Variants in ACVR1 observed in about 807,000 individuals in gnomAD.
ACVR1 encodes activin A receptor type 1.
A neutral mutation model predicts 57.1 loss-of-function variants in ACVR1; 38 were observed. The ratio of observed to expected loss-of-function variants is 0.67; its 90% CI spans 0.51 to 0.87. ACVR1 has a LOEUF of 0.87. Ranked by LOEUF, ACVR1 falls within the 40% of genes least tolerant of loss-of-function variation. The pLI is 0.00. For synonymous variants in ACVR1, 212 were observed against 228.1 expected, an observed-to-expected ratio of 0.93 and a Z score of 0.63; for missense variants, 463 against 638.2, an observed-to-expected ratio of 0.73 and a Z score of 2.96.
intron 1 of ACVR1, among the ~76,000 whole-genome samples, chr2:157,865,518 G>T (rs1251367281): frequency 6.6e-6 from 1 of 152,074 alleles, no homozygotes; most frequent in Non-Finnish European, 1.5e-5. Flanking sequence ...TAGGCAGGGC[G>T]CGGTGGTTCA....
chr2:157,820,763 T>C (rs555731131), intron 1 of ACVR1, among the ~76,000 whole-genome samples: 1 of 152,258 alleles, frequency 6.6e-6, no homozygotes, highest in East Asian at 1.9e-4. Flanking sequence ...ATTTATATTC[T>C]ATATGACGAA....
At chr2:157,870,727 C>T (rs1452803557) in intron 1 of ACVR1, among the ~76,000 whole-genome samples, 2 of 152,158 alleles carry the variant, frequency 1.3e-5, no homozygotes, top group East Asian at 1.9e-4. Flanking sequence ...GGAAGCATCA[C>T]TCTTAAATAT....
intron 3 of ACVR1, among the ~76,000 whole-genome samples, chr2:157,794,183 T>C (rs1687024371): frequency 6.6e-6 from 1 of 152,168 alleles, no homozygotes; most frequent in Non-Finnish European, 1.5e-5. Context: ...ATGGAGGTTC[T>C]GCCTTCACCC....
At chr2:157,779,701 G>C (rs1174835048) in intron 4 of ACVR1, among the ~76,000 whole-genome samples, 2 of 152,174 alleles carry the variant, frequency 1.3e-5, no homozygotes, top group African/African-American at 2.4e-5. Context: ...TTGCAATTTA[G>C]GGCTCATTTA....
At chr2:157,746,028 C>T (rs996548174) in intron 9 of ACVR1, among the ~76,000 whole-genome samples, 7 of 152,168 alleles carry the variant, frequency 4.6e-5, no homozygotes, top group African/African-American at 1.2e-4. Flanking sequence ...GTTTTTGACA[C>T]ATTTTAACCC....
At chr2:157,799,042 G>A (rs2105305714) in intron 3 of ACVR1, among the ~76,000 whole-genome samples, 1 of 151,828 alleles carries the variant, frequency 6.6e-6, no homozygotes, top group African/African-American at 2.4e-5. Flanking sequence ...GATTACAGGT[G>A]CCCGCCACCA....
At chr2:157,767,131 A>T (rs1019452427) in intron 7 of ACVR1, among the ~76,000 whole-genome samples, 1 of 152,036 alleles carries the variant, frequency 6.6e-6, no homozygotes, top group Admixed American at 6.6e-5. Flanking sequence ...TCCTGGGTTC[A>T]AGTGATTCTC....
chr2:157,872,562 T>C (rs1264645390), intron 1 of ACVR1, among the ~76,000 whole-genome samples: 2 of 151,946 alleles, frequency 1.3e-5, no homozygotes, highest in Admixed American at 1.3e-4. Flanking sequence ...CAGGAGAAAA[T>C]AGGGGAGGAG....
At chr2:157,806,706 G>A (rs561817921) in intron 2 of ACVR1, 9 of 152,338 alleles carry the variant, frequency 5.9e-5, no homozygotes, top group African/African-American at 1.7e-4. Context: ...AGTAATAGCT[G>A]CAAAGAAAGG....
In ACVR1 at chr2:157,830,163, G is replaced by A. The variant is rs575436256; in HGVS notation, c.-182-11604C>T. On this transcript the variant is annotated intron_variant, in intron 1 of 10. Transcript: ENST00000434821. ...GAACCCAGGAGGCGGAGGTTTCAGT[G>A]AGCCGAGATCATGCCATTGCACTCC... 9.8e-5 allele frequency among the ~76,000 whole-genome samples: 15 copies of A among 152,298 alleles called. No homozygotes were observed. The South Asian group carries it at 2.9e-3, about 29-fold the overall frequency.
At chr2:157,740,215 T>A (rs894493906) in intron 9 of ACVR1, among the ~76,000 whole-genome samples, 4 of 151,310 alleles carry the variant, frequency 2.6e-5, no homozygotes, top group Non-Finnish European at 2.9e-5. Context: ...TAATTCCAAA[T>A]AACTTACCCA....
chr2:157,766,106 T>C lies in ACVR1; in HGVS notation c.881A>G (p.Tyr294Cys), dbSNP rs1685851050. ...TGTATCCAGAGTAGTAAGCTGAAGA[T>C]AGTCGTACAACGATCCCATTTCATG... ...HYHEMGSLYD[Y>C]LQLTTLDTVS... The change falls in exon 8 of 11, where the codon TAT (tyrosine) becomes TGT (cysteine). Residue 294 changes from tyrosine (Y) to cysteine (C), a missense_variant. Physicochemically the swap from Tyr to Cys is radical, Grantham distance 194. This residue lies in a region of ACVR1 where 114 missense variants were observed against 216.2 expected (regional missense o/e 0.53). Coordinates refer to ENST00000434821, the MANE Select transcript of ACVR1 (RefSeq NM_001111067.4). 2 of 1,614,142 alleles carry C rather than the reference T, an allele frequency of 1.2e-6. No homozygotes were observed. Among genetic ancestry groups the C allele is most frequent in the Non-Finnish European group, 1.7e-6 (2 of 1,179,994 alleles).
rs1278404256 is a variant in ACVR1, at chr2:157,770,532, T to C, written c.644-18A>G. On this transcript the variant is annotated intron_variant, in intron 6 of 10. Coordinates refer to ENST00000434821, the MANE Select transcript of ACVR1 (RefSeq NM_001111067.4). Reference sequence around the variant, plus strand: ...GCCTTTCCCTATGAAAAGCAAAACATAGGTGACACAGAACAGTAGTCATTT... The same window carrying C: ...GCCTTTCCCTATGAAAAGCAAAACACAGGTGACACAGAACAGTAGTCATTT... 18 of 1,613,624 alleles carry C rather than the reference T, an allele frequency of 1.1e-5. No homozygotes were observed. Among genetic ancestry groups the C allele is most frequent in the Admixed American group, 5.0e-5 (3 of 59,990 alleles).
chr2:157,773,879 C>T (rs1461939820), intron 6 of ACVR1, among the ~76,000 whole-genome samples: 1 of 152,180 alleles, frequency 6.6e-6, no homozygotes, highest in Non-Finnish European at 1.5e-5. Flanking sequence ...TCTGCATTCT[C>T]TGTACTCATT....
intron 8 of ACVR1, 149 bp from the exon 9 acceptor site, chr2:157,761,226 C>G: frequency 1.4e-6 from 1 of 723,868 alleles, no homozygotes; most frequent in South Asian, 1.7e-5. Flanking sequence ...CTAGAATGCC[C>G]TTTGTGATTA....
chr2:157,773,881 G>C lies in ACVR1; in HGVS notation c.643+207C>G, dbSNP rs146814720. 6.5e-3 allele frequency among the ~76,000 whole-genome samples: 991 copies of C among 152,276 alleles called. 8 individuals are homozygous for C. The highest frequency in any genetic ancestry group is 0.022 in the African/African-American group (900 of 41,550). On this transcript the variant is annotated intron_variant, in intron 6 of 10. Transcript: ENST00000434821. ...GAAAGCTTTTGACTCTGCATTCTCT[G>C]TACTCATTAGTGATGGACTCCTTTG...
Position 157,736,785 on chromosome 2 carries a change from T to TA in ACVR1, c.*745dup, listed in dbSNP as rs1236939230. On this transcript the variant is annotated 3_prime_UTR_variant, in exon 11 of 11. Coordinates refer to ENST00000434821, the MANE Select transcript of ACVR1 (RefSeq NM_001111067.4). ...AAATGTCCATTTTAGAGTATAGTGT[T>TA]AAAAACATTTCTGTAATAAAATCAT... The TA allele has an allele frequency of 2.9e-6, 1 of 345,584 alleles. No homozygotes were observed. The highest frequency in any genetic ancestry group is 5.3e-6 in the Non-Finnish European group (1 of 188,630). The allele number at this position is 345,584 out of a possible 1,614,324, so 21.4% of individuals were successfully genotyped here. A position where few individuals can be genotyped will look rare whatever the true frequency, so the allele number is the denominator to read the frequency against.
rs1403640582 is a variant in ACVR1, at chr2:157,766,116, A to T, written c.871T>A (p.Leu291Met). The change falls in exon 8 of 11, where the codon TTG becomes ATG. Residue 291 changes from leucine to methionine, a missense_variant. Leu to Met is a conservative substitution (Grantham distance 15). This residue lies in a region of ACVR1 where 114 missense variants were observed against 216.2 expected (regional missense o/e 0.53). Coordinates refer to ENST00000434821, the MANE Select transcript of ACVR1 (RefSeq NM_001111067.4). Reference sequence around the variant, plus strand: ...GTAGTAAGCTGAAGATAGTCGTACAACGATCCCATTTCATGATAATGTGTA... The same window carrying T: ...GTAGTAAGCTGAAGATAGTCGTACATCGATCCCATTTCATGATAATGTGTA... ...LITHYHEMGSLYDYLQLTTLD... is the reference protein window; with the variant it reads ...LITHYHEMGSMYDYLQLTTLD... 1.9e-6 allele frequency: 3 copies of T among 1,614,196 alleles called. No homozygotes were observed. The highest frequency in any genetic ancestry group is 1.7e-6 in the Non-Finnish European group (2 of 1,180,014).
intron 4 of ACVR1, among the ~76,000 whole-genome samples, chr2:157,778,746 C>A (rs1038477956): frequency 6.6e-6 from 1 of 152,230 alleles, no homozygotes; most frequent in African/African-American, 2.4e-5. Context: ...TCTGTGGTCT[C>A]TGTCTTTAAT....
Sources: allele counts gnomAD v4.1 joint callset (sites outside exome capture counted in the v4.1 genomes callset), GRCh38; gene constraint gnomAD v4.1.1; regional missense constraint gnomAD v4.1.1; transcripts MANE v1.5; gene names NCBI Gene and HGNC (gene_info 2026-07-23, HGNC 2026-07-21).